The following RNF38 variants were observed in gnomAD, a reference collection of about 807,000 sequenced individuals.
RNF38 encodes the protein E3 ubiquitin-protein ligase RNF38.
In RNF38, 15 loss-of-function variants were observed where a neutral mutation model predicts 67.2. That is an observed-to-expected ratio of 0.22 (90% CI 0.15 to 0.34). The LOEUF is 0.34. Among genes scored for constraint, RNF38 ranks in the 10% least tolerant of loss-of-function variants. The pLI, the probability that RNF38 is intolerant of heterozygous loss-of-function variation, is 1.00. For synonymous variants in RNF38, 220 were observed against 218.8 expected, an observed-to-expected ratio of 1.01 and a Z score of -0.05; for missense variants, 524 against 639.9, an observed-to-expected ratio of 0.82 and a Z score of 1.95.
At chr9:36,352,710 T>C (rs1490511718) in intron 8 of RNF38, 32 bp downstream of exon 8, 3 of 1,461,166 alleles carry the variant, frequency 2.1e-6, no homozygotes, top group Non-Finnish European at 2.9e-6. Flanking sequence ...AGTTTCAAAA[T>C]TCAGAAATCA....
In RNF38 at chr9:36,356,329, G is replaced by C. The variant is rs149052036; in HGVS notation, c.883C>G (p.Pro295Ala). 19 of 1,613,856 alleles carry C rather than the reference G, an allele frequency of 1.2e-5. No individual in the cohort carries two copies. Among genetic ancestry groups the C allele is most frequent in the Non-Finnish European group, 1.6e-5 (19 of 1,179,986 alleles). Reference protein sequence around the residue: ...PHLPPPGQFVPFQTQQSRSPL... With the variant: ...PHLPPPGQFVAFQTQQSRSPL... ...GATCGTGATTGCTGTGTTTGGAAAG[G>C]GACAAACTGGCCTGGTGGTGGCAAA... Residue 295 changes from proline (P) to alanine (A), a missense_variant, in exon 6 of 12, where the codon CCT becomes GCT. Physicochemically the swap from Pro to Ala is conservative, Grantham distance 27 (BLOSUM62 -1). This residue lies in a region of RNF38 where 461 missense variants were observed against 517.4 expected (regional missense o/e 0.89). Coordinates refer to ENST00000259605, the MANE Select transcript of RNF38 (RefSeq NM_022781.5).
At chr9:36,435,146 ACT>A (rs1161744869) in intron 1 of RNF38, among the ~76,000 whole-genome samples, 1 of 152,218 alleles carries the variant, frequency 6.6e-6, no homozygotes, top group Non-Finnish European at 1.5e-5. Flanking sequence ...AACTGATCAC[ACT>A]GTCTCTATAA....
At chr9:36,472,519 A>C (rs1304026255) in intron 1 of RNF38, among the ~76,000 whole-genome samples, 1 of 152,218 alleles carries the variant, frequency 6.6e-6, no homozygotes, top group Non-Finnish European at 1.5e-5. Flanking sequence ...CCTGGCCAGC[A>C]GTTAGCAGCA....
intron 11 of RNF38, among the ~76,000 whole-genome samples, chr9:36,341,876 C>T (rs1326126619): frequency 8.3e-6 from 1 of 120,490 alleles, no homozygotes; most frequent in Non-Finnish European, 1.8e-5. Context: ...AAAGAAGCCC[C>T]TGCAATAATT....
At chr9:36,407,928 C>A (rs1783457437) in intron 2 of RNF38, among the ~76,000 whole-genome samples, 1 of 152,130 alleles carries the variant, frequency 6.6e-6, no homozygotes. Context: ...TTAGGTTGTT[C>A]TCAGTGTTTT....
Position 36,376,095 on chromosome 9 carries a change from G to A in RNF38, c.195C>T (p.Arg65=). ...TATAATCAAAGACTGAATGAGAGAG[G>A]CGCTGTCTCTTAGGACTTGGACTAT... ...SEDSPSPKRQ[R]LSHSVFDYTS... The change falls in exon 3 of 12, where the codon CGC becomes CGT. Residue 65 remains arginine, a synonymous_variant. Transcript: ENST00000259605. The A allele has an allele frequency of 6.2e-7, 1 of 1,604,600 alleles. No individual in the cohort carries two copies. Among genetic ancestry groups the A allele is most frequent in the Non-Finnish European group, 8.5e-7 (1 of 1,176,882 alleles).
chr9:36,370,634 A>C (rs1378252079), intron 3 of RNF38, among the ~76,000 whole-genome samples: 1 of 152,198 alleles, frequency 6.6e-6, no homozygotes, highest in Non-Finnish European at 1.5e-5. Flanking sequence ...GGCCAGGTGC[A>C]GTGGCTCATG....
intron 2 of RNF38, among the ~76,000 whole-genome samples, chr9:36,407,018 C>CA (rs548414808): frequency 7.4e-4 from 112 of 152,126 alleles, no homozygotes; most frequent in Non-Finnish European, 1.3e-3. Context: ...AAAAAAAACC[C>CA]AAAAAACAAA....
Position 36,421,278 on chromosome 9 carries a change from C to A in RNF38, n.312+3335G>T, listed in dbSNP as rs1027109247. ...TATTTTATATAACTTGCATTCGATACAGAAGATCTGGTCTACCCCTAGCAC... is the reference window on the plus strand; with the variant it reads ...TATTTTATATAACTTGCATTCGATAAAGAAGATCTGGTCTACCCCTAGCAC... On this transcript the variant is annotated intron_variant and non_coding_transcript_variant, in intron 2 of 3. Coordinates refer to the RNF38 transcript ENST00000488058. Among the ~76,000 whole-genome samples, 9 of 152,212 alleles carry A rather than the reference C, an allele frequency of 5.9e-5. No homozygotes were observed. In the East Asian group the frequency reaches 1.7e-3, roughly 29 times the overall value.
chr9:36,425,477 C>T (rs183355915), intron 1 of RNF38, among the ~76,000 whole-genome samples: 3 of 152,158 alleles, frequency 2.0e-5, no homozygotes, highest in East Asian at 1.9e-4. Flanking sequence ...GTGGATCACC[C>T]GAGGTTAGGA....
chr9:36,435,876 G>A (rs959115935), intron 1 of RNF38, among the ~76,000 whole-genome samples: 30 of 152,090 alleles, frequency 2.0e-4, no homozygotes, highest in African/African-American at 6.8e-4. Context: ...TGATCCGCCC[G>A]CCTCAGCCTC....
At chr9:36,372,416 TTC>T (rs1420150937) in intron 3 of RNF38, 3 of 607,732 alleles carry the variant, frequency 4.9e-6, no homozygotes, top group Non-Finnish European at 9.0e-6. Flanking sequence ...TTATTCACAG[TTC>T]TTTGTTTTAT....
rs58286962 is a variant in RNF38, at chr9:36,478,817, CAAA to C, written n.241+8488_241+8490del. Among the ~76,000 whole-genome samples the C allele has an allele frequency of 5.9e-3, 627 of 106,038 alleles. 5 individuals carry two copies. Among genetic ancestry groups the C allele is most frequent in the African/African-American group, 0.019 (561 of 29,016 alleles). The allele number at this position is 106,038 out of a possible 152,430, so 69.6% of individuals were successfully genotyped here. A position where few individuals can be genotyped will look rare whatever the true frequency, so the allele number is the denominator to read the frequency against. ...GGGCAACAAGAGTGAAACGCTGTCTCAAAAAAAAAAAAAAAAAAAAGATTAGTG... is the reference window on the plus strand; with the variant it reads ...GGGCAACAAGAGTGAAACGCTGTCTCAAAAAAAAAAAAAAAAAGATTAGTG... On this transcript the variant is annotated intron_variant and non_coding_transcript_variant, in intron 1 of 3. Coordinates refer to the RNF38 transcript ENST00000488058.
At chr9:36,395,218 T>C (rs1218609149) in intron 1 of RNF38, among the ~76,000 whole-genome samples, 2 of 152,222 alleles carry the variant, frequency 1.3e-5, no homozygotes, top group East Asian at 3.8e-4. Flanking sequence ...TCTTGGAGAC[T>C]TGCAGGTATT....
At chr9:36,460,324 CAACA>C (rs1010589919) in intron 1 of RNF38, among the ~76,000 whole-genome samples, 1 of 152,092 alleles carries the variant, frequency 6.6e-6, no homozygotes, top group African/African-American at 2.4e-5. Flanking sequence ...AAACTTTACA[CAACA>C]AACAGGAAAT....
intron 2 of RNF38, among the ~76,000 whole-genome samples, chr9:36,410,478 C>T (rs969535413): frequency 1.3e-5 from 2 of 152,198 alleles, no homozygotes; most frequent in African/African-American, 4.8e-5. Flanking sequence ...AGGCGTCCAC[C>T]ACCATGCCTG....
At chr9:36,342,249 T>G (rs1832910329) in intron 11 of RNF38, 76 bp downstream of exon 11, 2 of 1,019,052 alleles carry the variant, frequency 2.0e-6, no homozygotes, top group African/African-American at 3.1e-5. Flanking sequence ...TCCACTGAGC[T>G]ATGAACTTAC....
chr9:36,455,587 C>T (rs1399316576), intron 1 of RNF38, among the ~76,000 whole-genome samples: 1 of 151,988 alleles, frequency 6.6e-6, no homozygotes, highest in Admixed American at 6.5e-5. Flanking sequence ...TCAAGACCAG[C>T]CTGGCCAAGA....
intron 2 of RNF38, among the ~76,000 whole-genome samples, chr9:36,421,076 T>C (rs1398410697): frequency 2.0e-5 from 3 of 152,180 alleles, no homozygotes; most frequent in Non-Finnish European, 2.9e-5. Flanking sequence ...GAACTGTGGT[T>C]CCATCCCCAG....
Sources: allele counts gnomAD v4.1 joint callset (sites outside exome capture counted in the v4.1 genomes callset), GRCh38; gene constraint gnomAD v4.1.1; regional missense constraint gnomAD v4.1.1; transcripts MANE v1.5; gene names NCBI Gene and HGNC (gene_info 2026-07-23, HGNC 2026-07-21).